CD4: variants seen among roughly 807,000 people sequenced by gnomAD.
CD4 encodes T-cell surface glycoprotein CD4.
A neutral mutation model predicts 50.5 loss-of-function variants in CD4; 25 were observed. That is an observed-to-expected ratio of 0.49 (90% CI 0.36 to 0.69). The LOEUF (loss-of-function observed/expected upper bound fraction) is 0.69. Ranked by LOEUF, CD4 falls within the 30% of genes least tolerant of loss-of-function variation. The pLI, the probability that CD4 is intolerant of heterozygous loss-of-function variation, is 0.00. For synonymous variants in CD4, 207 were observed against 221.9 expected (o/e 0.93, Z 0.60); for missense variants, 456 against 548.5 (o/e 0.83, Z 1.68).
intron 3 of CD4, among the ~76,000 whole-genome samples, chr12:6,811,972 G>A (rs1434186803): frequency 6.6e-6 from 1 of 152,174 alleles, no homozygotes; most frequent in Non-Finnish European, 1.5e-5. Flanking sequence ...ACCACACCCA[G>A]CTAATTTTTT....
chr12:6,797,524 G>T (rs1281222912), intron 1 of CD4, among the ~76,000 whole-genome samples: 1 of 152,112 alleles, frequency 6.6e-6, no homozygotes, highest in African/African-American at 2.4e-5. Context: ...GGGGACCGGC[G>T]CTCAGCAAGT....
rs1266131825 is a variant in CD4 at position 6,792,592 on chromosome 12, C to G, written c.-68+2930C>G. 6.6e-6 allele frequency among the ~76,000 whole-genome samples: 1 copy of G among 152,190 alleles called. No homozygotes were observed. Among genetic ancestry groups the G allele is most frequent in the Non-Finnish European group, 1.5e-5 (1 of 68,032 alleles). On this transcript the variant is annotated intron_variant, in intron 1 of 9. Coordinates refer to ENST00000011653, the MANE Select transcript of CD4 (RefSeq NM_000616.5). This position sits in a 1 kb window ranked among gnomAD's most constrained non-coding sequence, Gnocchi z 4.1. ...GCATTCTGGGGAACTCTGTCCATTT[C>G]CCTTTGTCCATGTGTCCCTCCCACC...
At chr12:6,808,036 C>T (rs1170267041) in intron 3 of CD4, among the ~76,000 whole-genome samples, 3 of 136,204 alleles carry the variant, frequency 2.2e-5, no homozygotes, top group African/African-American at 8.5e-5. Flanking sequence ...GCCGAGATCA[C>T]GCCACTACAC....
intron 3 of CD4, among the ~76,000 whole-genome samples, chr12:6,801,761 G>A (rs754545956): frequency 6.7e-6 from 1 of 149,044 alleles, no homozygotes. Context: ...AGAGTTTCAC[G>A]GTGTTAGCCA....
At chr12:6,794,310 A>G (rs574645759) in intron 1 of CD4, among the ~76,000 whole-genome samples, 1 of 151,128 alleles carries the variant, frequency 6.6e-6, no homozygotes, top group Admixed American at 6.6e-5. Context: ...AAAGTGATCC[A>G]CCCACCTTGG....
chr12:6,799,111 G>A (rs1942461448), intron 1 of CD4: 1 of 152,192 alleles, frequency 6.6e-6, no homozygotes, highest in Non-Finnish European at 1.5e-5. Context: ...GGGTGTGCAA[G>A]TTTACTTTGT....
intron 3 of CD4, among the ~76,000 whole-genome samples, chr12:6,811,868 G>A (rs1942949158): frequency 6.6e-6 from 1 of 151,952 alleles, no homozygotes; most frequent in Admixed American, 6.6e-5. Flanking sequence ...GGAGTGCAGT[G>A]TTACAATCAT....
In CD4 at chr12:6,818,322, G is replaced by A. The variant is rs1403247578; in HGVS notation, c.1157-99G>A. 3.3e-6 allele frequency: 5 copies of A among 1,513,976 alleles called. No individual in the cohort carries two copies. The highest frequency in any genetic ancestry group is 3.6e-6 in the Non-Finnish European group (4 of 1,113,218). The allele number at this position is 1,513,976 out of a possible 1,614,324, so 93.8% of individuals were successfully genotyped here. Reference sequence around the variant, plus strand: ...CCCTCCCCTCTCCCCCAACCCCAGGGTCAAACCAGAGACTGGCCAGGAGGG... The same window carrying A: ...CCCTCCCCTCTCCCCCAACCCCAGGATCAAACCAGAGACTGGCCAGGAGGG... On this transcript the variant is annotated intron_variant, in intron 7 of 9. Coordinates refer to ENST00000011653, the MANE Select transcript of CD4 (RefSeq NM_000616.5). The surrounding 1 kb of genome is among the most constrained non-coding windows in gnomAD (Gnocchi z 5.0).
rs910856953 is a variant in CD4, at chr12:6,818,169, A to G, written c.1157-252A>G. 1.8e-4 allele frequency among the ~76,000 whole-genome samples: 28 copies of G among 152,042 alleles called. No individual in the cohort carries two copies. Among genetic ancestry groups the G allele is most frequent in the Non-Finnish European group, 2.9e-4 (20 of 67,958 alleles). On this transcript the variant is annotated intron_variant, in intron 7 of 9. Coordinates refer to ENST00000011653, the MANE Select transcript of CD4 (RefSeq NM_000616.5). The surrounding 1 kb of genome is among the most constrained non-coding windows in gnomAD (Gnocchi z 5.0). ...CACACACTCACACATGCACACACAC[A>G]TGCACTCACACACACAGCCCAGGAG...
rs201877444 is a variant in CD4, at chr12:6,819,806, G to A, written c.*477G>A. On this transcript the variant is annotated 3_prime_UTR_variant, in exon 10 of 10. Transcript: ENST00000011653. The stretch of plus-strand genomic sequence containing the variant: ...CAGATCCAGAGGTTTCTGGCAGCCA[G>A]TACCTCCTGCCCCATGCTGCCCGCT... The A allele has an allele frequency of 7.5e-5, 13 of 173,936 alleles. No individual in the cohort carries two copies. Among genetic ancestry groups the A allele is most frequent in the Middle Eastern group, 2.7e-3 (1 of 374 alleles). The allele number at this position is 173,936 out of a possible 1,614,324, so 10.8% of individuals were successfully genotyped here. A position where few individuals can be genotyped will look rare whatever the true frequency, so the allele number is the denominator to read the frequency against.
At position 6,818,680 on chromosome 12, in the gene CD4, C is replaced by A. The variant is rs1555118522; in HGVS notation, c.1278+138C>A. 1.6e-6 allele frequency: 2 copies of A among 1,242,198 alleles called. No homozygotes were observed. Among genetic ancestry groups the A allele is most frequent in the Middle Eastern group, 1.9e-4 (1 of 5,328 alleles). 76.9% of individuals were successfully genotyped at this position (1,242,198 alleles called of 1,614,324 possible). Reference sequence around the variant, plus strand: ...GTTCCCTTGCTGCCCTGTCCCAGATCCCACTCAAGGGAGAGACAGGAAGGA... The same window carrying A: ...GTTCCCTTGCTGCCCTGTCCCAGATACCACTCAAGGGAGAGACAGGAAGGA... On this transcript the variant is annotated intron_variant, in intron 8 of 9. Coordinates refer to ENST00000011653, the MANE Select transcript of CD4 (RefSeq NM_000616.5). This position sits in a 1 kb window ranked among gnomAD's most constrained non-coding sequence, Gnocchi z 5.0.
chr12:6,803,917 C>T (rs1265406879), intron 3 of CD4, among the ~76,000 whole-genome samples: 4 of 151,824 alleles, frequency 2.6e-5, no homozygotes, highest in Admixed American at 6.6e-5. Context: ...CAAGACCATC[C>T]TGGCTAACAC....
Position 6,819,710 on chromosome 12 carries a change from A to G in CD4, c.*381A>G, listed in dbSNP as rs201627409. Reference sequence around the variant, plus strand: ...GAGCATGGGACTGTTCTTTTACAAGACAGGACCCTGGGACCACAGAGGGCA... The same window carrying G: ...GAGCATGGGACTGTTCTTTTACAAGGCAGGACCCTGGGACCACAGAGGGCA... On this transcript the variant is annotated 3_prime_UTR_variant, in exon 10 of 10. Coordinates refer to ENST00000011653, the MANE Select transcript of CD4 (RefSeq NM_000616.5). 8.7e-6 allele frequency: 2 copies of G among 229,868 alleles called. No individual in the cohort carries two copies. Among genetic ancestry groups the G allele is most frequent in the South Asian group, 1.4e-4 (2 of 13,882 alleles). The allele number at this position is 229,868 out of a possible 1,614,324, so 14.2% of individuals were successfully genotyped here. A position where few individuals can be genotyped will look rare whatever the true frequency, so the allele number is the denominator to read the frequency against.
chr12:6,791,106 G>T (rs1248139210), intron 1 of CD4, among the ~76,000 whole-genome samples: 1 of 152,174 alleles, frequency 6.6e-6, no homozygotes, highest in Non-Finnish European at 1.5e-5. Context: ...ACATAGGAGA[G>T]GTCTATATCT....
chr12:6,818,405 T>C lies in CD4; in HGVS notation c.1157-16T>C, dbSNP rs1555118440. ...GGAGGAGGGCGGTGCATTGAGCACA[T>C]TTCTCTCCCTTGCAGTTCTGCCCAC... On this transcript the variant is annotated splice_polypyrimidine_tract_variant and intron_variant, in intron 7 of 9. Transcript: ENST00000011653. This position sits in a 1 kb window ranked among gnomAD's most constrained non-coding sequence, Gnocchi z 5.0. The C allele has an allele frequency of 6.2e-7, 1 of 1,610,896 alleles. No individual in the cohort carries two copies. Among genetic ancestry groups the C allele is most frequent in the Non-Finnish European group, 8.5e-7 (1 of 1,179,394 alleles).
chr12:6,813,240 A>G (rs1237023012), intron 3 of CD4, among the ~76,000 whole-genome samples: 2 of 125,314 alleles, frequency 1.6e-5, no homozygotes, highest in Admixed American at 1.7e-4. Context: ...TTTTTTTTTT[A>G]GAGATGGGGT....
intron 3 of CD4, among the ~76,000 whole-genome samples, chr12:6,802,316 A>C (rs1340569999): frequency 6.6e-6 from 1 of 151,262 alleles, no homozygotes; most frequent in African/African-American, 2.4e-5. Context: ...ATTTTCTTCC[A>C]ATCTTTTTTT....
intron 3 of CD4, among the ~76,000 whole-genome samples, chr12:6,806,103 A>C (rs1942746644): frequency 6.6e-6 from 1 of 150,830 alleles, no homozygotes; most frequent in Non-Finnish European, 1.5e-5. Flanking sequence ...GTTTGAGATC[A>C]GCCTGGGCAA....
In CD4 at chr12:6,818,860, G is replaced by A. The variant is rs199617771; in HGVS notation, c.1292G>A (p.Arg431Gln). The A allele has an allele frequency of 2.1e-4, 332 of 1,613,484 alleles. 4 individuals carry two copies. In the East Asian group the frequency reaches 4.9e-3, roughly 24 times the overall value. Residue 431 changes from arginine to glutamine, a missense_variant, in exon 9 of 10, where the codon CGG becomes CAG. Arg to Gln is a conservative substitution (Grantham distance 43). Coordinates refer to ENST00000011653, the MANE Select transcript of CD4 (RefSeq NM_000616.5). This position sits in a 1 kb window ranked among gnomAD's most constrained non-coding sequence, Gnocchi z 5.0. The stretch of plus-strand genomic sequence containing the variant: ...GTCCCTGGACAGCGCCAAGCAGAGC[G>A]GATGTCTCAGATCAAGAGACTCCTC... Reference protein sequence around the residue: ...RCRHRRRQAERMSQIKRLLSE... With the variant: ...RCRHRRRQAEQMSQIKRLLSE...
Sources: gnomAD v4.1 joint callset for allele counts (sites outside exome capture counted in the v4.1 genomes callset) on GRCh38, gnomAD v4.1.1 for gene constraint, Gnocchi (gnomAD v3.1) non-coding constraint, MANE v1.5 for transcripts, NCBI Gene and HGNC (gene_info 2026-07-23, HGNC 2026-07-21) for gene names.